Variants in CACNG5 observed in about 807,000 individuals in gnomAD.
CACNG5 encodes calcium voltage-gated channel auxiliary subunit gamma 5.
Under a neutral mutation model 24.8 loss-of-function variants are expected in CACNG5, and 18 were observed. The observed-to-expected ratio is 0.73, with a 90% CI of 0.50 to 1.08. The LOEUF (loss-of-function observed/expected upper bound fraction) is 1.08, where lower values mean the gene tolerates loss of function less well. CACNG5 is among the 50% of genes least tolerant of loss of function. The pLI, the probability that CACNG5 is intolerant of heterozygous loss-of-function variation, is 0.00. For synonymous variants in CACNG5, 157 were observed against 149.1 expected (o/e 1.05, Z -0.39); for missense variants, 349 against 367.9 (o/e 0.95, Z 0.42).
chr17:66,842,077 GCT>G (rs35304307), intron 1 of CACNG5, among the ~76,000 whole-genome samples: 24,237 of 152,054 alleles, frequency 0.16, 2,117 homozygotes, highest in African/African-American at 0.24. Flanking sequence ...TCAACTCCCG[GCT>G]CTCTCCGGCC....
In CACNG5 at chr17:66,886,589, C is replaced by T. The variant is rs1283412325; in HGVS notation, c.*1349C>T. On this transcript the variant is annotated 3_prime_UTR_variant, in exon 6 of 6. Transcript: ENST00000533854. ...TGAGTAGCAAAGCAATGCTGTGTGT[C>T]GCTGCTGTGCCCGCTCTCTCCTTGC... is the stretch of plus-strand genomic sequence containing the variant. 3.3e-5 allele frequency among the ~76,000 whole-genome samples: 5 copies of T among 152,136 alleles called. No homozygotes were observed. The highest frequency in any genetic ancestry group is 2.1e-4 in the South Asian group (1 of 4,828).
At chr17:66,876,203 A>G (rs1244698684) in intron 1 of CACNG5, among the ~76,000 whole-genome samples, 1 of 152,232 alleles carries the variant, frequency 6.6e-6, no homozygotes, top group African/African-American at 2.4e-5. Context: ...TTGGCTACAC[A>G]TTAGAATCAC....
At position 66,886,727 on chromosome 17, in the gene CACNG5, G is replaced by A. The variant is rs1303330162; in HGVS notation, c.*1487G>A. 4.6e-5 allele frequency among the ~76,000 whole-genome samples: 7 copies of A among 152,160 alleles called. No individual in the cohort carries two copies. The highest frequency in any genetic ancestry group is 2.1e-4 in the South Asian group (1 of 4,832). The stretch of plus-strand genomic sequence containing the variant: ...CTGGTGTGCGCAGCCTTGGAGAGGC[G>A]GTGTGTCAGGCAGCCGGGCTGCCGC... On this transcript the variant is annotated 3_prime_UTR_variant, in exon 6 of 6. Transcript: ENST00000533854.
chr17:66,856,695 C>T (rs1335201456), intron 1 of CACNG5, among the ~76,000 whole-genome samples: 5 of 152,034 alleles, frequency 3.3e-5, no homozygotes, highest in Admixed American at 1.3e-4. Context: ...GTACATGCCA[C>T]CATGCCTGGC....
intron 1 of CACNG5, among the ~76,000 whole-genome samples, chr17:66,877,013 G>GAATT (rs936734501): frequency 7.3e-5 from 11 of 150,010 alleles, no homozygotes; most frequent in African/African-American, 2.8e-4. Context: ...ATGAATGAAT[G>GAATT]AATGGCAGTA....
At chr17:66,857,856 C>T (rs1009849978) in intron 1 of CACNG5, among the ~76,000 whole-genome samples, 3 of 152,182 alleles carry the variant, frequency 2.0e-5, no homozygotes, top group Admixed American at 6.5e-5. Context: ...CAGCCCACTC[C>T]ATCCCACCCC....
At chr17:66,842,398 C>T (rs999322001) in intron 1 of CACNG5, among the ~76,000 whole-genome samples, 2 of 152,160 alleles carry the variant, frequency 1.3e-5, no homozygotes, top group South Asian at 4.1e-4. Context: ...GGAAACTTTA[C>T]AGATGAGAAG....
In CACNG5 at chr17:66,893,500, G is replaced by C. The variant is rs1977371894; in HGVS notation, c.*8260G>C. 6.6e-6 allele frequency among the ~76,000 whole-genome samples: 1 copy of C among 152,238 alleles called. No homozygotes were observed. Among genetic ancestry groups the C allele is most frequent in the Non-Finnish European group, 1.5e-5 (1 of 68,050 alleles). On this transcript the variant is annotated 3_prime_UTR_variant, in exon 6 of 6. Coordinates refer to ENST00000533854, the MANE Select transcript of CACNG5 (RefSeq NM_145811.3). ...GGATAAATTGAAGCAACTGGAGAAA[G>C]ACTCATGACACAAGTTTGGCCATGG...
At chr17:66,864,669 T>C (rs1976906321) in intron 1 of CACNG5, among the ~76,000 whole-genome samples, 1 of 152,232 alleles carries the variant, frequency 6.6e-6, no homozygotes, top group Non-Finnish European at 1.5e-5. Flanking sequence ...TTCATCAGCA[T>C]CAAACTGTTT....
chr17:66,885,437 T>A lies in CACNG5; in HGVS notation c.*197T>A. 6.5e-6 allele frequency: 4 copies of A among 616,402 alleles called. No homozygotes were observed. Among genetic ancestry groups the A allele is most frequent in the Non-Finnish European group, 1.1e-5 (4 of 371,542 alleles). 38.2% of individuals were successfully genotyped at this position (616,402 alleles called of 1,614,324 possible). A position where few individuals can be genotyped will look rare whatever the true frequency, so the allele number is the denominator to read the frequency against. ...CCAGCATGGGTGTGGGAGTCTGGAG[T>A]CTGTGGGCAAGCTGATTGTCTGGGA... On this transcript the variant is annotated 3_prime_UTR_variant, in exon 6 of 6. Coordinates refer to ENST00000533854, the MANE Select transcript of CACNG5 (RefSeq NM_145811.3).
At chr17:66,836,935 T>C (rs1055281508) in intron 1 of CACNG5, among the ~76,000 whole-genome samples, 1 of 152,160 alleles carries the variant, frequency 6.6e-6, no homozygotes, top group African/African-American at 2.4e-5. Flanking sequence ...CAGGGGGAGA[T>C]TGGCTGAATT....
At chr17:66,843,695 G>A (rs904774641) in intron 1 of CACNG5, among the ~76,000 whole-genome samples, 8 of 152,098 alleles carry the variant, frequency 5.3e-5, no homozygotes, top group Non-Finnish European at 1.2e-4. Flanking sequence ...TGAGCCGTTC[G>A]TGGGTGGAGA....
At chr17:66,884,919 C>T (rs778529868) in intron 5 of CACNG5, 64 bp from the exon 6 acceptor site, 1 of 1,613,956 alleles carries the variant, frequency 6.2e-7, no homozygotes, top group Non-Finnish European at 8.5e-7. Flanking sequence ...TGTGCAGACC[C>T]CAGCCAAGGG....
intron 1 of CACNG5, among the ~76,000 whole-genome samples, chr17:66,839,373 A>G (rs1976532793): frequency 6.6e-6 from 1 of 152,132 alleles, no homozygotes; most frequent in African/African-American, 2.4e-5. Context: ...AAGAAAGACA[A>G]AAATCAATCC....
intron 1 of CACNG5, among the ~76,000 whole-genome samples, chr17:66,871,069 G>GGA (rs1236622314): frequency 2.6e-5 from 4 of 152,142 alleles, no homozygotes; most frequent in Admixed American, 6.5e-5. Context: ...ACAGGAGACA[G>GGA]GGCCCCCGCC....
chr17:66,877,290 G>C lies in CACNG5; in HGVS notation c.-43G>C. 6.4e-7 allele frequency: 1 copy of C among 1,560,902 alleles called. No individual in the cohort carries two copies. Among genetic ancestry groups the C allele is most frequent in the Non-Finnish European group, 8.8e-7 (1 of 1,137,974 alleles). ...CTAGCCCCAGAGCGCAGTCCGTGCTGGTGGGAGCGTGGCGACTAGTTGCAC... is the reference window on the plus strand; with the variant it reads ...CTAGCCCCAGAGCGCAGTCCGTGCTCGTGGGAGCGTGGCGACTAGTTGCAC... On this transcript the variant is annotated 5_prime_UTR_variant, in exon 2 of 6. Coordinates refer to ENST00000533854, the MANE Select transcript of CACNG5 (RefSeq NM_145811.3).
intron 4 of CACNG5, among the ~76,000 whole-genome samples, chr17:66,882,361 C>T (rs1977171296): frequency 6.6e-6 from 1 of 152,080 alleles, no homozygotes; most frequent in Non-Finnish European, 1.5e-5. Context: ...CTTATGACAT[C>T]TGGGAGGAGG....
chr17:66,882,111 C>T (rs947703746), intron 4 of CACNG5, among the ~76,000 whole-genome samples: 4 of 151,898 alleles, frequency 2.6e-5, no homozygotes, highest in Non-Finnish European at 5.9e-5. Context: ...GTAGTAGAGG[C>T]GATGGCCCAA....
At chr17:66,848,047 G>A (rs1976661160) in intron 1 of CACNG5, among the ~76,000 whole-genome samples, 2 of 152,176 alleles carry the variant, frequency 1.3e-5, no homozygotes, top group Admixed American at 6.5e-5. Flanking sequence ...TTTGCTCTGT[G>A]CATGGAAAAT....
Sources: gnomAD v4.1 joint callset for allele counts (sites outside exome capture counted in the v4.1 genomes callset) on GRCh38, gnomAD v4.1.1 for gene constraint, MANE v1.5 for transcripts, NCBI Gene and HGNC (gene_info 2026-07-23, HGNC 2026-07-21) for gene names.